The following TRPM7 variants were observed in gnomAD, a reference collection of about 807,000 sequenced individuals.
TRPM7 encodes the protein transient receptor potential cation channel subfamily M member 7, also known as LTRPC ion channel family member 7.
TRPM7 carries 134 observed loss-of-function variants against 229.7 expected under a neutral mutation model. That is an observed-to-expected ratio of 0.58 (90% confidence interval 0.51 to 0.67). TRPM7 has a LOEUF of 0.67. Among genes scored for constraint, TRPM7 ranks in the 30% least tolerant of loss-of-function variants. The pLI is 0.00. For synonymous variants in TRPM7, 699 were observed against 715.2 expected, an observed-to-expected ratio of 0.98 and a Z score of 0.36; for missense variants, 1,901 against 2,210.0, an observed-to-expected ratio of 0.86 and a Z score of 2.80.
At chr15:50,649,300 G>C (rs1232722592) in intron 3 of TRPM7, among the ~76,000 whole-genome samples, 1 of 152,038 alleles carries the variant, frequency 6.6e-6, no homozygotes, top group Non-Finnish European at 1.5e-5. Flanking sequence ...TTAGGCAAGT[G>C]TGGTGGCATA....
intron 29 of TRPM7, among the ~76,000 whole-genome samples, chr15:50,581,212 T>C (rs926147716): frequency 5.3e-5 from 8 of 152,208 alleles, no homozygotes; most frequent in African/African-American, 1.9e-4. Context: ...AAAATATATA[T>C]TTGTGGCCGG....
intron 2 of TRPM7, among the ~76,000 whole-genome samples, chr15:50,662,340 A>G (rs2061746298): frequency 1.3e-5 from 2 of 151,574 alleles, no homozygotes; most frequent in Admixed American, 1.3e-4. Context: ...AAAAAAAAAA[A>G]GGTAAAAAGA....
rs1438519250 is a variant in TRPM7 at position 50,615,190 on chromosome 15, A to G, written c.1495-927T>C. Among the ~76,000 whole-genome samples, 10 of 145,436 alleles carry G rather than the reference A, an allele frequency of 6.9e-5. 1 individual carries two copies. In the South Asian group the frequency reaches 8.7e-4, roughly 13 times the overall value. On this transcript the variant is annotated intron_variant, in intron 13 of 38. Coordinates refer to ENST00000646667, the MANE Select transcript of TRPM7 (RefSeq NM_017672.6). ...AAAAAAAAAAAAAAAAAAAAAAAAAAGAGACAGTGGAAATGCTAATCAGCC... is the reference window on the plus strand; with the variant it reads ...AAAAAAAAAAAAAAAAAAAAAAAAAGGAGACAGTGGAAATGCTAATCAGCC...
chr15:50,680,870 C>T (rs985989363), intron 1 of TRPM7, among the ~76,000 whole-genome samples: 13 of 152,066 alleles, frequency 8.5e-5, no homozygotes, highest in Non-Finnish European at 1.8e-4. Context: ...GCCTTGTGAC[C>T]GTTGGCAAGT....
chr15:50,644,708 A>C (rs1041645863), intron 4 of TRPM7, among the ~76,000 whole-genome samples: 2 of 151,044 alleles, frequency 1.3e-5, no homozygotes, highest in Non-Finnish European at 2.9e-5. Flanking sequence ...GAGGCAAGAG[A>C]ATTGCTTGAA....
intron 11 of TRPM7, among the ~76,000 whole-genome samples, chr15:50,627,123 A>G (rs1425073120): frequency 6.9e-6 from 1 of 145,708 alleles, no homozygotes; most frequent in African/African-American, 2.4e-5. Context: ...CGGACATGTA[A>G]CAAAACTTTA....
At chr15:50,626,836 A>C (rs2060575170) in intron 11 of TRPM7, among the ~76,000 whole-genome samples, 1 of 152,158 alleles carries the variant, frequency 6.6e-6, no homozygotes, top group Non-Finnish European at 1.5e-5. Context: ...ATGGTATAAA[A>C]TAAAACTTTC....
rs2140999033 is a variant in TRPM7 at position 50,686,652 on chromosome 15, C to T, written c.-119G>A. On this transcript the variant is annotated 5_prime_UTR_variant, in exon 1 of 39. Transcript: ENST00000646667. ...GCAGCAGAGGCCGCCGGACAAGGAA[C>T]GCCCAGGGAAACCTTCTCAGAACTA... 4.2e-6 allele frequency: 6 copies of T among 1,421,758 alleles called. No individual in the cohort carries two copies. In the Admixed American group the frequency reaches 7.2e-5, roughly 17 times the overall value. The allele number at this position is 1,421,758 out of a possible 1,614,324, so 88.1% of individuals were successfully genotyped here. A position where few individuals can be genotyped will look rare whatever the true frequency, so the allele number is the denominator to read the frequency against.
At chr15:50,608,067 AAAAG>A (rs1301305562) in intron 19 of TRPM7, among the ~76,000 whole-genome samples, 4 of 150,460 alleles carry the variant, frequency 2.7e-5, no homozygotes, top group Admixed American at 6.6e-5. Context: ...AAAAAAAAAA[AAAAG>A]AAAGAAAGAA....
chr15:50,587,536 C>A (rs966393439), intron 27 of TRPM7, among the ~76,000 whole-genome samples: 1 of 149,736 alleles, frequency 6.7e-6, no homozygotes, highest in African/African-American at 2.5e-5. Context: ...TCAAGGAGTA[C>A]CTGCCACTTA....
rs879072022 is a variant in TRPM7, at chr15:50,648,654, C to T, written c.321+33G>A. ...GTGATGTTTATTATTTAAATAACAA[C>T]ATAAATGAAGAAAAATCCAATATGT... is the stretch of plus-strand genomic sequence containing the variant. On this transcript the variant is annotated intron_variant, in intron 4 of 38. Transcript: ENST00000646667. The T allele has an allele frequency of 2.6e-6, 4 of 1,543,466 alleles. No individual in the cohort carries two copies. The South Asian group carries it at 5.0e-5, about 19-fold the overall frequency.
intron 7 of TRPM7, among the ~76,000 whole-genome samples, chr15:50,635,090 GAC>G (rs1480304629): frequency 6.6e-6 from 1 of 151,866 alleles, no homozygotes; most frequent in Non-Finnish European, 1.5e-5. Flanking sequence ...GACCAAGATG[GAC>G]GGATCACAAG....
chr15:50,561,867 G>C (rs2053328937), intron 38 of TRPM7, 59 bp from the exon 39 acceptor site: 1 of 1,422,400 alleles, frequency 7.0e-7, no homozygotes, highest in Non-Finnish European at 9.4e-7. Flanking sequence ...AAAAAAGTTA[G>C]TATTTCTTAG....
At chr15:50,669,540 A>G (rs766000290) in intron 1 of TRPM7, among the ~76,000 whole-genome samples, 1 of 152,240 alleles carries the variant, frequency 6.6e-6, no homozygotes, top group Non-Finnish European at 1.5e-5. Context: ...GAAAGCCTAT[A>G]TAATTATTCT....
chr15:50,586,332 T>C (rs2140329524), intron 28 of TRPM7, 60 bp downstream of exon 28: 1 of 1,152,398 alleles, frequency 8.7e-7, no homozygotes, highest in East Asian at 2.4e-5. Context: ...AAACATAAAA[T>C]ACATTTAAAG....
chr15:50,601,165 G>A (rs1315050804), intron 21 of TRPM7, among the ~76,000 whole-genome samples: 1 of 152,148 alleles, frequency 6.6e-6, no homozygotes, highest in Admixed American at 6.5e-5. Context: ...CAAATGAAAC[G>A]CAAATCTGTA....
At chr15:50,620,681 A>G (rs961209149) in intron 12 of TRPM7, among the ~76,000 whole-genome samples, 6 of 152,202 alleles carry the variant, frequency 3.9e-5, no homozygotes, top group African/African-American at 1.4e-4. Flanking sequence ...CTATAATCCC[A>G]GCACTTTGGG....
chr15:50,684,071 T>C (rs1302129448), intron 1 of TRPM7, among the ~76,000 whole-genome samples: 1 of 151,986 alleles, frequency 6.6e-6, no homozygotes, highest in Admixed American at 6.6e-5. Flanking sequence ...AGGCTAGTTT[T>C]GAACTCCTGA....
At chr15:50,614,499 C>G (rs1462112376) in intron 13 of TRPM7, among the ~76,000 whole-genome samples, 1 of 151,922 alleles carries the variant, frequency 6.6e-6, no homozygotes, top group African/African-American at 2.4e-5. Flanking sequence ...CCCTTCTCTA[C>G]TAAAAATACA....
Sources: gnomAD v4.1 joint callset for allele counts (sites outside exome capture counted in the v4.1 genomes callset) on GRCh38, gnomAD v4.1.1 for gene constraint, MANE v1.5 for transcripts, NCBI Gene and HGNC (gene_info 2026-07-23, HGNC 2026-07-21) for gene names.